PAPPA2: variants seen among roughly 807,000 people sequenced by gnomAD.
The protein encoded by PAPPA2 is pappalysin-2.
A neutral mutation model predicts 176.4 loss-of-function variants in PAPPA2; 86 were observed. That is an observed-to-expected ratio of 0.49 (90% confidence interval 0.41 to 0.58). PAPPA2 has a LOEUF of 0.58. Among genes scored for constraint, PAPPA2 ranks in the 20% least tolerant of loss-of-function variants. The pLI is 0.00. For synonymous variants in PAPPA2, 809 were observed against 852.2 expected (o/e 0.95, Z 0.88); for missense variants, 2,073 against 2,256.9 (o/e 0.92, Z 1.65).
chr1:176,832,964 T>A (rs867270569), intron 21 of PAPPA2, among the ~76,000 whole-genome samples: 3 of 152,108 alleles, frequency 2.0e-5, no homozygotes, highest in African/African-American at 7.2e-5. Context: ...TTTTAGAGGG[T>A]CTGCTGGGTT....
intron 1 of PAPPA2, among the ~76,000 whole-genome samples, chr1:176,467,388 G>T (rs986483319): frequency 3.9e-5 from 6 of 152,112 alleles, no homozygotes; most frequent in East Asian, 1.9e-4. Flanking sequence ...TATTCTCATT[G>T]TTAGAAGTGT....
chr1:176,842,510 G>T lies in PAPPA2; in HGVS notation c.*56G>T. The stretch of plus-strand genomic sequence containing the variant: ...TCAGAGGCAGTAAGAAAGAGAGGCC[G>T]ACCCAGGAGGAAACAAAGGGTGAAT... On this transcript the variant is annotated 3_prime_UTR_variant, in exon 23 of 23. Coordinates refer to ENST00000367662, the MANE Select transcript of PAPPA2 (RefSeq NM_020318.3). 6.9e-7 allele frequency: 1 copy of T among 1,459,206 alleles called. No homozygotes were observed. The highest frequency in any genetic ancestry group is 9.6e-7 in the Non-Finnish European group (1 of 1,044,486). 90.4% of individuals were successfully genotyped at this position (1,459,206 alleles called of 1,614,324 possible). A position where few individuals can be genotyped will look rare whatever the true frequency, so the allele number is the denominator to read the frequency against.
At chr1:176,819,712 C>A (rs1666577706) in intron 21 of PAPPA2, among the ~76,000 whole-genome samples, 1 of 152,200 alleles carries the variant, frequency 6.6e-6, no homozygotes, top group Non-Finnish European at 1.5e-5. Context: ...GCAGGTGATA[C>A]ATCCTGTGTG....
rs1232178865 is a variant in PAPPA2 at position 176,555,835 on chromosome 1, A to T, written c.-488A>T. ...GGAAGAAGAGAAAGAAATGAAAATTAGAGAATAAGATTATTTTGAATGACT... is the reference window on the plus strand; with the variant it reads ...GGAAGAAGAGAAAGAAATGAAAATTTGAGAATAAGATTATTTTGAATGACT... On this transcript the variant is annotated 5_prime_UTR_variant, in exon 2 of 23. The change creates a premature stop within an existing upstream ORF in the 5' untranslated region. Coordinates refer to ENST00000367662, the MANE Select transcript of PAPPA2 (RefSeq NM_020318.3). The T allele has an allele frequency of 1.3e-5, 2 of 153,592 alleles. No individual in the cohort carries two copies. Among genetic ancestry groups the T allele is most frequent in the African/African-American group, 4.8e-5 (2 of 41,506 alleles). The allele number at this position is 153,592 out of a possible 1,614,324, so 9.5% of individuals were successfully genotyped here.
intron 6 of PAPPA2, among the ~76,000 whole-genome samples, chr1:176,694,466 C>A (rs1410274915): frequency 6.6e-6 from 1 of 152,238 alleles, no homozygotes. Context: ...CACAGCGGCA[C>A]AATGCCAGTT....
chr1:176,766,139 A>G (rs913158502), intron 15 of PAPPA2, among the ~76,000 whole-genome samples: 13 of 152,222 alleles, frequency 8.5e-5, no homozygotes, highest in African/African-American at 2.9e-4. Context: ...TGAGAATGCC[A>G]AAGTTCAGAC....
At chr1:176,835,612 C>T (rs544567591) in intron 21 of PAPPA2, among the ~76,000 whole-genome samples, 57 of 152,268 alleles carry the variant, frequency 3.7e-4, no homozygotes, top group Admixed American at 1.2e-3. Context: ...CTCTGCCTCC[C>T]GGGTTCAAGC....
intron 21 of PAPPA2, among the ~76,000 whole-genome samples, chr1:176,808,471 G>T (rs1429603408): frequency 1.3e-5 from 2 of 152,170 alleles, no homozygotes; most frequent in Admixed American, 1.3e-4. Flanking sequence ...AGTTCAGAAA[G>T]GTCAAGGATA....
intron 1 of PAPPA2, among the ~76,000 whole-genome samples, chr1:176,483,460 CTTTTTTTTTTTT>C (rs56705620): frequency 4.1e-5 from 2 of 48,628 alleles, no homozygotes; most frequent in East Asian, 1.7e-3. Context: ...ACTCAGACAT[CTTTTTTTTTTTT>C]TTTTTTTTTT....
At chr1:176,763,201 G>C (rs954935076) in intron 14 of PAPPA2, among the ~76,000 whole-genome samples, 5 of 152,140 alleles carry the variant, frequency 3.3e-5, no homozygotes, top group African/African-American at 1.2e-4. Flanking sequence ...GACAAACAGA[G>C]CACACTACTG....
chr1:176,556,969 C>T lies in PAPPA2; in HGVS notation c.647C>T (p.Ser216Phe). The T allele has an allele frequency of 2.5e-6, 4 of 1,614,070 alleles. No homozygotes were observed. Among genetic ancestry groups the T allele is most frequent in the Non-Finnish European group, 3.4e-6 (4 of 1,179,990 alleles). ...AEDGQGDSGI[S>F]SHFQPWPKHS... Reference sequence around the variant, plus strand: ...GATGGGCAGGGAGACTCCGGTATCTCTTCACATTTCCAACCTTGGCCCAAG... The same window carrying T: ...GATGGGCAGGGAGACTCCGGTATCTTTTCACATTTCCAACCTTGGCCCAAG... Residue 216 changes from serine to phenylalanine, a missense_variant, in exon 2 of 23, where the codon TCT becomes TTT. Ser to Phe is a radical substitution (Grantham distance 155). Around this residue, in one of 4 missense-constraint regions of PAPPA2, gnomAD observed 1,196 missense variants for 1,330.4 expected, o/e 0.90. Coordinates refer to ENST00000367662, the MANE Select transcript of PAPPA2 (RefSeq NM_020318.3).
At chr1:176,799,386 C>T (rs1665574645) in intron 20 of PAPPA2, among the ~76,000 whole-genome samples, 1 of 152,206 alleles carries the variant, frequency 6.6e-6, no homozygotes, top group South Asian at 2.1e-4. Context: ...TCAACAGCAT[C>T]TCAAGATGAA....
At chr1:176,810,677 C>T (rs937809206) in intron 21 of PAPPA2, among the ~76,000 whole-genome samples, 1 of 152,112 alleles carries the variant, frequency 6.6e-6, no homozygotes, top group African/African-American at 2.4e-5. Context: ...TGGTTCTGGA[C>T]CAGTGGCAGC....
chr1:176,837,674 T>C (rs991224432), intron 21 of PAPPA2, among the ~76,000 whole-genome samples: 4 of 152,200 alleles, frequency 2.6e-5, no homozygotes, highest in African/African-American at 7.2e-5. Flanking sequence ...CGTTCACCTA[T>C]GTACACATTG....
intron 17 of PAPPA2, among the ~76,000 whole-genome samples, chr1:176,781,530 G>A (rs920901441): frequency 3.3e-5 from 5 of 151,776 alleles, no homozygotes; most frequent in African/African-American, 1.2e-4. Flanking sequence ...ACTATGATGG[G>A]CTGTAGACTT....
In PAPPA2 at chr1:176,671,012, G is replaced by A. The variant is rs535013671; in HGVS notation, c.2034G>A (p.Leu678=). 10 of 1,613,942 alleles carry A rather than the reference G, an allele frequency of 6.2e-6. 1 individual carries two copies. In the African/African-American group the frequency reaches 9.3e-5, roughly 15 times the overall value. Residue 678 remains leucine, a synonymous_variant, in exon 4 of 23, where the codon CTG becomes CTA. Transcript: ENST00000367662. ...SVKELKEALQ[L]NSTHFLNIYF... ...AGGAGCTGAAGGAGGCCCTGCAGCT[G>A]AACAGTACTCACTTCCTCAACATCT...
chr1:176,763,090 T>C (rs1346663001), intron 14 of PAPPA2, among the ~76,000 whole-genome samples: 1 of 152,236 alleles, frequency 6.6e-6, no homozygotes, highest in Non-Finnish European at 1.5e-5. Context: ...GTCTCAATTA[T>C]TTCAAGGTAG....
rs142407574 is a variant in PAPPA2, at chr1:176,512,738, G to A, written c.-916-42669G>A. Among the ~76,000 whole-genome samples the A allele has an allele frequency of 5.4e-4, 82 of 152,132 alleles. No individual in the cohort carries two copies. The East Asian group carries it at 0.015, about 28-fold the overall frequency. ...ACTTATTGAATTATGTACTTCAAAT[G>A]GGCATTTTAGTTTATGAAAATCATT... On this transcript the variant is annotated intron_variant, in intron 1 of 22. Coordinates refer to ENST00000367662, the MANE Select transcript of PAPPA2 (RefSeq NM_020318.3).
In PAPPA2 at chr1:176,595,512, G is replaced by T. The variant is rs1653929621; in HGVS notation, c.1908G>T (p.Leu636=). The T allele has an allele frequency of 6.2e-7, 1 of 1,614,078 alleles. No individual in the cohort carries two copies. Among genetic ancestry groups the T allele is most frequent in the South Asian group, 1.1e-5 (1 of 91,092 alleles). ...GTCACGTGGAGTGTAACAACATGCT[G>T]AACGACTTTGACGACGGAGACTGCT... The part of the protein sequence containing the change: ...GLCHVECNNM[L]NDFDDGDCCD... The change falls in exon 3 of 23, where the codon CTG becomes CTT. Residue 636 remains leucine (L), a synonymous_variant. Coordinates refer to ENST00000367662, the MANE Select transcript of PAPPA2 (RefSeq NM_020318.3).
Sources: allele counts gnomAD v4.1 joint callset (sites outside exome capture counted in the v4.1 genomes callset), GRCh38; gene constraint gnomAD v4.1.1; regional missense constraint gnomAD v4.1.1; transcripts MANE v1.5; gene names NCBI Gene and HGNC (gene_info 2026-07-23, HGNC 2026-07-21).